Variants in FBXL17 observed in about 807,000 individuals in gnomAD.
FBXL17 encodes F-box/LRR-repeat protein 17.
FBXL17 carries 22 observed loss-of-function variants against 66.2 expected under a neutral mutation model. The ratio of observed to expected loss-of-function variants is 0.33; its 90% CI spans 0.24 to 0.47. The LOEUF (loss-of-function observed/expected upper bound fraction) is 0.47. FBXL17 is among the 20% of genes least tolerant of loss of function. The probability of loss-of-function intolerance (pLI) is 1.00; values close to 1 mark genes in which losing one functional copy is unlikely to be tolerated. For synonymous variants in FBXL17, 474 were observed against 400.5 expected, an observed-to-expected ratio of 1.18 and a Z score of -2.19; for missense variants, 878 against 948.2, an observed-to-expected ratio of 0.93 and a Z score of 0.97.
intron 6 of FBXL17, among the ~76,000 whole-genome samples, chr5:108,022,949 G>C (rs185475840): frequency 5.1e-4 from 78 of 152,204 alleles, no homozygotes; most frequent in African/African-American, 1.8e-3. Context: ...AGTTCAAGAG[G>C]TGTAGACAAT....
At chr5:108,140,338 C>A (rs1393095795) in intron 6 of FBXL17, among the ~76,000 whole-genome samples, 1 of 152,170 alleles carries the variant, frequency 6.6e-6, no homozygotes. Flanking sequence ...AGCCACTGCG[C>A]CTGGCAACCC....
chr5:108,074,300 AT>A (rs1370366177), intron 6 of FBXL17, among the ~76,000 whole-genome samples: 1 of 132,206 alleles, frequency 7.6e-6, no homozygotes, highest in African/African-American at 2.8e-5. Flanking sequence ...CTGATAAGAG[AT>A]TTGAAAAGAT....
intron 4 of FBXL17, among the ~76,000 whole-genome samples, chr5:108,303,475 A>AC (rs1223774158): frequency 1.3e-5 from 2 of 151,906 alleles, no homozygotes; most frequent in Non-Finnish European, 2.9e-5. Flanking sequence ...GCAAATAAAG[A>AC]CAAGTCAAAC....
chr5:108,047,179 T>G (rs1403691211), intron 6 of FBXL17, among the ~76,000 whole-genome samples: 1 of 151,654 alleles, frequency 6.6e-6, no homozygotes, highest in Non-Finnish European at 1.5e-5. Flanking sequence ...GAAGGAAGAG[T>G]AGTATGGTGC....
intron 4 of FBXL17, among the ~76,000 whole-genome samples, chr5:108,232,552 T>A (rs566387558): frequency 9.4e-4 from 142 of 151,688 alleles, no homozygotes; most frequent in African/African-American, 3.3e-3. Context: ...GTGGGCACCA[T>A]CTAATCAGCG....
chr5:108,023,761 T>A (rs1434311137), intron 6 of FBXL17, among the ~76,000 whole-genome samples: 1 of 152,148 alleles, frequency 6.6e-6, no homozygotes, highest in Non-Finnish European at 1.5e-5. Flanking sequence ...CTGTATAGTA[T>A]GTATGCAAAA....
At chr5:108,288,557 G>A (rs966554371) in intron 4 of FBXL17, among the ~76,000 whole-genome samples, 3 of 151,884 alleles carry the variant, frequency 2.0e-5, no homozygotes, top group Admixed American at 1.3e-4. Context: ...TATTGCAAAT[G>A]TTCACACAGT....
chr5:108,343,090 A>T (rs1746995117), intron 4 of FBXL17, among the ~76,000 whole-genome samples: 1 of 152,166 alleles, frequency 6.6e-6, no homozygotes, highest in Non-Finnish European at 1.5e-5. Context: ...ATAAACTAGA[A>T]AGCAAGCCCT....
intron 4 of FBXL17, among the ~76,000 whole-genome samples, chr5:108,264,382 G>C (rs1323423726): frequency 6.6e-6 from 1 of 152,012 alleles, no homozygotes; most frequent in Non-Finnish European, 1.5e-5. Context: ...TCTGTCCCAA[G>C]TGGTCAAAAG....
At chr5:108,375,072 G>T (rs1188992005) in intron 1 of FBXL17, among the ~76,000 whole-genome samples, 2 of 152,060 alleles carry the variant, frequency 1.3e-5, no homozygotes, top group African/African-American at 4.8e-5. Context: ...AAAATGATGA[G>T]GCCGAGCACA....
At chr5:108,219,345 T>C (rs1754748110) in intron 5 of FBXL17, among the ~76,000 whole-genome samples, 1 of 152,304 alleles carries the variant, frequency 6.6e-6, no homozygotes, top group East Asian at 1.9e-4. Context: ...TCAGTGTTTT[T>C]CAAATAAATT....
chr5:108,124,291 A>T (rs1353068909), intron 6 of FBXL17, among the ~76,000 whole-genome samples: 1 of 151,712 alleles, frequency 6.6e-6, no homozygotes, highest in Non-Finnish European at 1.5e-5. Context: ...AAATATGTTA[A>T]AAAAAAAGAA....
chr5:107,937,739 TGAGA>T (rs1750960374), intron 7 of FBXL17, among the ~76,000 whole-genome samples: 2 of 152,260 alleles, frequency 1.3e-5, no homozygotes, highest in South Asian at 2.1e-4. Context: ...AATTACAGCA[TGAGA>T]TCACGTACTT....
At position 108,229,921 on chromosome 5, in the gene FBXL17, A is replaced by T. The variant is rs539319552; in HGVS notation, c.1507-5693T>A. ...AAGTGGGCTAAGGTCATGAATAGACAATTCTCAAAAGAAGATATTCAAATG... is the reference window on the plus strand; with the variant it reads ...AAGTGGGCTAAGGTCATGAATAGACTATTCTCAAAAGAAGATATTCAAATG... On this transcript the variant is annotated intron_variant, in intron 4 of 8. Coordinates refer to ENST00000542267, the MANE Select transcript of FBXL17 (RefSeq NM_001163315.3). Among the ~76,000 whole-genome samples, 9 of 152,322 alleles carry T rather than the reference A, an allele frequency of 5.9e-5. No homozygotes were observed. The East Asian group carries it at 1.3e-3, about 23-fold the overall frequency.
chr5:108,382,042 T>G lies in FBXL17; in HGVS notation c.-351A>C. On this transcript the variant is annotated 5_prime_UTR_variant, in exon 1 of 9. Transcript: ENST00000542267. ...GCGGAGCGGCCGGGGAAAGGCCGGGTCCCGCTCGGACCATTTTAACTGCGG... is the reference window on the plus strand; with the variant it reads ...GCGGAGCGGCCGGGGAAAGGCCGGGGCCCGCTCGGACCATTTTAACTGCGG... 2 of 941,930 alleles carry G rather than the reference T, an allele frequency of 2.1e-6. No individual in the cohort carries two copies. The highest frequency in any genetic ancestry group is 2.6e-6 in the Non-Finnish European group (2 of 767,076). 58.3% of individuals were successfully genotyped at this position (941,930 alleles called of 1,614,324 possible).
At position 107,878,168 on chromosome 5, in the gene FBXL17, AAT is replaced by A. The variant is rs1212017081; in HGVS notation, c.1965+2867_1965+2868del. ...TAATTACTGACATATTTGTATAAAA[AAT>A]AATCTTAATTTTAAATTTAGGTGAG... On this transcript the variant is annotated intron_variant, in intron 8 of 8. Transcript: ENST00000542267. 19 of 855,840 alleles carry A rather than the reference AAT, an allele frequency of 2.2e-5. No individual in the cohort carries two copies. In the Admixed American group the frequency reaches 3.1e-4, roughly 14 times the overall value. 53.0% of individuals were successfully genotyped at this position (855,840 alleles called of 1,614,324 possible).
rs148707031 is a variant in FBXL17, at chr5:108,143,266, G to A, written c.1745+42851C>T. On this transcript the variant is annotated intron_variant, in intron 6 of 8. Transcript: ENST00000542267. ...AATATAACATTACAGATCCCACCAT[G>A]CAAAATTATTCAGATACTAAACACA... Among the ~76,000 whole-genome samples, 577 of 151,420 alleles carry A rather than the reference G, an allele frequency of 3.8e-3. 6 individuals are homozygous for A. Among genetic ancestry groups the A allele is most frequent in the African/African-American group, 0.014 (561 of 41,202 alleles).
intron 4 of FBXL17, among the ~76,000 whole-genome samples, chr5:108,274,399 AATATGGCTCTGTTCCACCCAG>A (rs1260775073): frequency 5.9e-5 from 9 of 152,214 alleles, no homozygotes; most frequent in Admixed American, 3.3e-4. Flanking sequence ...AAAGAAGAGA[AATATGGCTCTGTTCCACCCAG>A]CTCACCAGCG....
rs1754574924 is a variant in FBXL17, at chr5:108,020,945, G to A, written c.1802C>T (p.Ser601Phe). 2 of 1,609,362 alleles carry A rather than the reference G, an allele frequency of 1.2e-6. No individual in the cohort carries two copies. Among genetic ancestry groups the A allele is most frequent in the Non-Finnish European group, 1.7e-6 (2 of 1,176,468 alleles). Reference protein sequence around the residue: ...GQNLKELYLVSCKITDYALIA... With the variant: ...GQNLKELYLVFCKITDYALIA... ...CCTACCATAATCTGTGATTTTACAG[G>A]ACACCAAATATAGCTCTTTCAGGTT... is the stretch of plus-strand genomic sequence containing the variant. Residue 601 changes from serine to phenylalanine, a missense_variant, in exon 7 of 9, where the codon TCC becomes TTC. Physicochemically the swap from Ser to Phe is radical, Grantham distance 155 (BLOSUM62 -2). Coordinates refer to ENST00000542267, the MANE Select transcript of FBXL17 (RefSeq NM_001163315.3).
Sources: gnomAD v4.1 joint callset for allele counts (sites outside exome capture counted in the v4.1 genomes callset) on GRCh38, gnomAD v4.1.1 for gene constraint, MANE v1.5 for transcripts, NCBI Gene and HGNC (gene_info 2026-07-23, HGNC 2026-07-21) for gene names.